The following KAZN variants were observed in gnomAD, a reference collection of about 807,000 sequenced individuals.
KAZN encodes kazrin, periplakin interacting protein, also known as kazrin.
Under a neutral mutation model 87.4 loss-of-function variants are expected in KAZN, and 40 were observed. The ratio of observed to expected loss-of-function variants is 0.46; its 90% CI spans 0.36 to 0.60. KAZN has a LOEUF of 0.60. Among genes scored for constraint, KAZN ranks in the 20% least tolerant of loss-of-function variants. The pLI, the probability that KAZN is intolerant of heterozygous loss-of-function variation, is 0.00. For synonymous variants in KAZN, 466 were observed against 458.3 expected (o/e 1.02, Z -0.22); for missense variants, 898 against 1,073.9 (o/e 0.84, Z 2.29).
At chr1:14,370,293 A>G (rs947063127) in intron 2 of KAZN, among the ~76,000 whole-genome samples, 25 of 152,122 alleles carry the variant, frequency 1.6e-4, no homozygotes, top group Non-Finnish European at 2.9e-4. Context: ...GTGGGCAAGG[A>G]CCTTCCTTCA....
chr1:13,928,101 T>C (rs763526225), intron 1 of KAZN, among the ~76,000 whole-genome samples: 2 of 152,222 alleles, frequency 1.3e-5, no homozygotes, highest in African/African-American at 2.4e-5. Flanking sequence ...AGAGGGTGTG[T>C]TTGTATGCAG....
intron 8 of KAZN, among the ~76,000 whole-genome samples, chr1:15,071,112 C>G (rs1015865197): frequency 1.3e-5 from 2 of 152,208 alleles, no homozygotes; most frequent in Non-Finnish European, 2.9e-5. Context: ...CCCAAACTTA[C>G]AAATATCTTA....
At chr1:14,349,364 T>C (rs1053541024) in intron 2 of KAZN, 3 of 150,510 alleles carry the variant, frequency 2.0e-5, no homozygotes, top group African/African-American at 7.5e-5. Flanking sequence ...GGTGGTTTTT[T>C]TGAATTTGTA....
At chr1:14,924,240 G>C (rs2101519575) in intron 1 of KAZN, 3 of 981,606 alleles carry the variant, frequency 3.1e-6, no homozygotes, top group South Asian at 9.4e-5. Context: ...GCCGCCGGCC[G>C]GGCGGGAGGC....
At chr1:14,136,890 A>T (rs536407737) in intron 1 of KAZN, among the ~76,000 whole-genome samples, 163 of 152,250 alleles carry the variant, frequency 1.1e-3, no homozygotes, top group African/African-American at 3.8e-3. Context: ...AGGAGAGGTC[A>T]TCAAGCTTTC....
In KAZN at chr1:15,021,378, G is replaced by A. The variant is rs902987598; in HGVS notation, c.419-13371G>A. On this transcript the variant is annotated intron_variant, in intron 2 of 14. Transcript: ENST00000376030. This position sits in a 1 kb window ranked among gnomAD's most constrained non-coding sequence, Gnocchi z 4.2. ...TCCCGCTTCAACCTAGGGAATGTCCGTGTTCCGGGCCCATTCCCTGCCACT... is the reference window on the plus strand; with the variant it reads ...TCCCGCTTCAACCTAGGGAATGTCCATGTTCCGGGCCCATTCCCTGCCACT... Among the ~76,000 whole-genome samples, 7 of 152,154 alleles carry A rather than the reference G, an allele frequency of 4.6e-5. No homozygotes were observed. Among genetic ancestry groups the A allele is most frequent in the Admixed American group, 1.3e-4 (2 of 15,274 alleles).
intron 4 of KAZN, among the ~76,000 whole-genome samples, chr1:15,050,159 G>GAATAGAATAGAATAGAATA: frequency 7.6e-6 from 1 of 131,238 alleles, no homozygotes; most frequent in Non-Finnish European, 1.6e-5. Context: ...AGAATAGAAT[G>GAATAGAATAGAATAGAATA]GAATAGAATA....
chr1:14,609,986 C>T (rs1264992662), intron 1 of KAZN, among the ~76,000 whole-genome samples: 2 of 152,250 alleles, frequency 1.3e-5, no homozygotes, highest in African/African-American at 2.4e-5. Context: ...GCCACGCCCT[C>T]TTGGGCATGG....
intron 2 of KAZN, among the ~76,000 whole-genome samples, chr1:14,977,098 C>A (rs1025005825): frequency 3.3e-5 from 5 of 152,156 alleles, no homozygotes; most frequent in African/African-American, 1.2e-4. Flanking sequence ...CTGGGCTCTG[C>A]TGAAGGCATA....
chr1:13,899,468 T>C (rs1355404532), intron 1 of KAZN, among the ~76,000 whole-genome samples: 1 of 152,148 alleles, frequency 6.6e-6, no homozygotes, highest in Non-Finnish European at 1.5e-5. Context: ...TCCAGAAATG[T>C]TGCTGAACAT....
intron 2 of KAZN, among the ~76,000 whole-genome samples, chr1:14,539,414 G>A (rs2148492675): frequency 6.6e-6 from 1 of 152,272 alleles, no homozygotes. Flanking sequence ...AAAGTCAGTA[G>A]ACTTGAGTTA....
chr1:14,534,832 C>T (rs889025037), intron 2 of KAZN, among the ~76,000 whole-genome samples: 1 of 152,056 alleles, frequency 6.6e-6, no homozygotes, highest in Non-Finnish European at 1.5e-5. Flanking sequence ...GTTCTATCAG[C>T]GTTTTGAAAC....
chr1:14,901,260 G>A (rs892470841), intron 1 of KAZN, among the ~76,000 whole-genome samples: 1 of 152,002 alleles, frequency 6.6e-6, no homozygotes, highest in Non-Finnish European at 1.5e-5. Context: ...CAGGTAGAAG[G>A]TGCAGCAGGT....
intron 2 of KAZN, among the ~76,000 whole-genome samples, chr1:14,294,831 C>G (rs1308266977): frequency 6.6e-6 from 1 of 151,506 alleles, no homozygotes; most frequent in African/African-American, 2.4e-5. Flanking sequence ...TTTTCTTTAC[C>G]AACTCTAGAG....
chr1:14,319,873 CAT>C (rs1232782878), intron 2 of KAZN, among the ~76,000 whole-genome samples: 36 of 152,288 alleles, frequency 2.4e-4, no homozygotes, highest in Non-Finnish European at 4.3e-4. Flanking sequence ...TTATAGAACA[CAT>C]GTTTAAACTG....
chr1:15,048,524 C>T (rs563565384), intron 4 of KAZN, among the ~76,000 whole-genome samples: 60 of 152,336 alleles, frequency 3.9e-4, no homozygotes, highest in African/African-American at 1.3e-3. Flanking sequence ...AGCCTCCCCT[C>T]CATGGCCAGA....
At chr1:15,103,708 C>T (rs1206232167) in intron 12 of KAZN, among the ~76,000 whole-genome samples, 1 of 152,170 alleles carries the variant, frequency 6.6e-6, no homozygotes, top group East Asian at 1.9e-4. Flanking sequence ...ATAGGAGCCC[C>T]ATGTCATGAT....
At chr1:14,370,521 C>G (rs1660392909) in intron 2 of KAZN, among the ~76,000 whole-genome samples, 1 of 152,032 alleles carries the variant, frequency 6.6e-6, no homozygotes. Context: ...GCAGGGCATG[C>G]TAGGAAAGCC....
chr1:15,048,432 G>A (rs1406457831), intron 4 of KAZN, among the ~76,000 whole-genome samples: 1 of 152,048 alleles, frequency 6.6e-6, no homozygotes, highest in African/African-American at 2.4e-5. Flanking sequence ...ATGTGTGTGT[G>A]TGTGTGTATG....
Sources: gnomAD v4.1 joint callset for allele counts (sites outside exome capture counted in the v4.1 genomes callset) on GRCh38, gnomAD v4.1.1 for gene constraint, Gnocchi (gnomAD v3.1) non-coding constraint, MANE v1.5 for transcripts, NCBI Gene and HGNC (gene_info 2026-07-23, HGNC 2026-07-21) for gene names.